RIMS2: variants seen among roughly 807,000 people sequenced by gnomAD.
The protein encoded by RIMS2 is regulating synaptic membrane exocytosis protein 2.
RIMS2 carries 59 observed loss-of-function variants against 174.4 expected under a neutral mutation model. That is an observed-to-expected ratio of 0.34 (90% CI 0.27 to 0.42). The LOEUF is 0.42. Ranked by LOEUF, RIMS2 falls within the 10% of genes least tolerant of loss-of-function variation. The pLI, the probability that RIMS2 is intolerant of heterozygous loss-of-function variation, is 1.00. For missense variants in RIMS2, 1,620 were observed against 1,666.3 expected (o/e 0.97, Z 0.48); for synonymous variants, 606 against 572.5 (o/e 1.06, Z -0.84).
intron 19 of RIMS2, among the ~76,000 whole-genome samples, chr8:104,051,802 GA>G (rs1195624113): frequency 6.6e-6 from 1 of 152,012 alleles, no homozygotes; most frequent in African/African-American, 2.4e-5. Context: ...GTAAAATTGA[GA>G]AAAAAATAAG....
chr8:103,766,894 G>A, intron 3 of RIMS2, among the ~76,000 whole-genome samples: 1 of 152,212 alleles, frequency 6.6e-6, no homozygotes, highest in Non-Finnish European at 1.5e-5. Flanking sequence ...GATGGGACTA[G>A]TTGGAAGTGG....
chr8:104,253,137 T>A (rs1488619573), downstream of RIMS2: 3 of 152,320 alleles, frequency 2.0e-5, no homozygotes, highest in Admixed American at 2.0e-4. Context: ...GCATGGTAAT[T>A]TTTTCACCTT....
chr8:103,535,731 A>G (rs13268468), intron 1 of RIMS2, among the ~76,000 whole-genome samples: 27,708 of 152,170 alleles, frequency 0.18, 2,771 homozygotes, highest in African/African-American at 0.26. Flanking sequence ...AGATAAGTAG[A>G]GCTCAACTTT....
intron 19 of RIMS2, among the ~76,000 whole-genome samples, chr8:104,197,655 G>T (rs1219881230): frequency 6.6e-6 from 1 of 152,080 alleles, no homozygotes; most frequent in Non-Finnish European, 1.5e-5. Context: ...ACTCATTGAG[G>T]TCTGAGGAGA....
At chr8:104,183,322 T>G (rs2098950434) in intron 19 of RIMS2, among the ~76,000 whole-genome samples, 1 of 151,790 alleles carries the variant, frequency 6.6e-6, no homozygotes, top group Non-Finnish European at 1.5e-5. Flanking sequence ...AATCTATGTA[T>G]TTCTACTAAT....
rs530053005 is a variant in RIMS2, at chr8:103,541,075, G to A, written c.176+40013G>A. On this transcript the variant is annotated intron_variant, in intron 1 of 23. Coordinates refer to ENST00000504942, the Ensembl canonical transcript of RIMS2. ...TTTGAGGAGAAGAGAGAAAGGGGCA[G>A]AAAGTTTACTTAAAGAAATAATAGC... Among the ~76,000 whole-genome samples the A allele has an allele frequency of 7.2e-5, 11 of 152,286 alleles. No homozygotes were observed. The South Asian group carries it at 2.3e-3, about 32-fold the overall frequency.
In RIMS2 at chr8:104,248,721, G is replaced by A. The variant is rs1421932018; in HGVS notation, c.3497G>A (p.Arg1166His). 8.7e-6 allele frequency: 14 copies of A among 1,608,142 alleles called. No homozygotes were observed. The highest frequency in any genetic ancestry group is 2.2e-5 in the East Asian group (1 of 44,868). ...TTCAGTCTGATTTTCCCTGGTGTTC[G>A]CTTGGCCTCTGATAGCCAGTTCAGT... The change falls in exon 21 of 24, where the codon CGC (arginine) becomes CAC (histidine). Residue 1166 changes from arginine (R) to histidine (H), a missense_variant. Physicochemically the swap from Arg to His is conservative, Grantham distance 29. Transcript: ENST00000504942.
At chr8:103,803,191 A>G (rs188763234) in intron 3 of RIMS2, among the ~76,000 whole-genome samples, 2 of 152,268 alleles carry the variant, frequency 1.3e-5, no homozygotes, top group East Asian at 3.9e-4. Context: ...AAAAATAATT[A>G]TTATAGTTCA....
Position 103,767,143 on chromosome 8 carries a change from A to G in RIMS2, c.698+606A>G, listed in dbSNP as rs1591956272. On this transcript the variant is annotated intron_variant, in intron 3 of 23. Coordinates refer to ENST00000504942, the Ensembl canonical transcript of RIMS2. ...AGTACATAGGGCTCTTATATTTACT[A>G]CCTTTGGAAGGAGAATAAAGGATTT... Among the ~76,000 whole-genome samples, 6 of 151,422 alleles carry G rather than the reference A, an allele frequency of 4.0e-5. No homozygotes were observed. The South Asian group carries it at 1.3e-3, about 32-fold the overall frequency.
intron 1 of RIMS2, among the ~76,000 whole-genome samples, chr8:103,525,254 A>G (rs1046619975): frequency 6.6e-6 from 1 of 152,186 alleles, no homozygotes; most frequent in Non-Finnish European, 1.5e-5. Flanking sequence ...TTCTTCATTG[A>G]GGTATCAAGG....
At chr8:103,838,855 G>C (rs1380036816) in intron 3 of RIMS2, among the ~76,000 whole-genome samples, 1 of 152,166 alleles carries the variant, frequency 6.6e-6, no homozygotes, top group Non-Finnish European at 1.5e-5. Context: ...CACGAGGTCA[G>C]GAGATTGAGA....
intron 2 of RIMS2, among the ~76,000 whole-genome samples, chr8:103,730,171 A>G (rs1213768714): frequency 6.6e-6 from 1 of 151,946 alleles, no homozygotes; most frequent in African/African-American, 2.4e-5. Flanking sequence ...GTCTCATTGT[A>G]TTGTCCGTGG....
chr8:103,948,521 A>G (rs1165516872), intron 14 of RIMS2, among the ~76,000 whole-genome samples: 1 of 152,238 alleles, frequency 6.6e-6, no homozygotes, highest in Non-Finnish European at 1.5e-5. Context: ...ACATACTACA[A>G]TATAGTCAAA....
At chr8:103,679,834 C>T (rs2096857780) in intron 1 of RIMS2, among the ~76,000 whole-genome samples, 1 of 151,974 alleles carries the variant, frequency 6.6e-6, no homozygotes, top group South Asian at 2.1e-4. Context: ...TATATCTTTG[C>T]CTCTTTTATC....
intron 19 of RIMS2, among the ~76,000 whole-genome samples, chr8:104,148,189 G>C (rs1255870643): frequency 6.0e-5 from 3 of 49,612 alleles, no homozygotes; most frequent in Non-Finnish European, 1.2e-4. Flanking sequence ...TTTTTTTTTT[G>C]GTAAAATTTT....
At chr8:104,097,250 A>G (rs2097778738) in intron 19 of RIMS2, among the ~76,000 whole-genome samples, 1 of 152,192 alleles carries the variant, frequency 6.6e-6, no homozygotes, top group Admixed American at 6.5e-5. Flanking sequence ...ACGTGTAAAC[A>G]CTAAATTCAT....
At chr8:103,928,684 T>C (rs1047670142) in intron 11 of RIMS2, among the ~76,000 whole-genome samples, 10 of 151,274 alleles carry the variant, frequency 6.6e-5, no homozygotes, top group Non-Finnish European at 4.4e-5. Flanking sequence ...TTGTTAATAT[T>C]ATACAATATA....
intron 1 of RIMS2, among the ~76,000 whole-genome samples, chr8:103,605,277 G>A (rs966665420): frequency 2.1e-5 from 3 of 142,534 alleles, no homozygotes; most frequent in Admixed American, 1.4e-4. Flanking sequence ...TTTGTCTTTG[G>A]CTCTGTTTGT....
chr8:104,095,264 GCTT>G (rs2097737268), intron 19 of RIMS2, among the ~76,000 whole-genome samples: 1 of 152,134 alleles, frequency 6.6e-6, no homozygotes, highest in African/African-American at 2.4e-5. Context: ...TGGTTCCCTT[GCTT>G]CTTCTTAGTT....
Sources: allele counts gnomAD v4.1 joint callset (sites outside exome capture counted in the v4.1 genomes callset), GRCh38; gene constraint gnomAD v4.1.1; transcripts MANE v1.5; gene names NCBI Gene and HGNC (gene_info 2026-07-23, HGNC 2026-07-21).